The following NCKAP5 variants were observed in gnomAD, a reference collection of about 807,000 sequenced individuals.
The protein encoded by NCKAP5 is NCK associated protein 5.
In NCKAP5, 92 loss-of-function variants were observed where a neutral mutation model predicts 167.0. The ratio of observed to expected loss-of-function variants is 0.55; its 90% confidence interval spans 0.47 to 0.66. The LOEUF (loss-of-function observed/expected upper bound fraction) is 0.66, where lower values mean the gene tolerates loss of function less well. Among genes scored for constraint, NCKAP5 ranks in the 30% least tolerant of loss-of-function variants. NCKAP5 has a pLI of 0.00. For missense variants in NCKAP5, 2,378 were observed against 2,315.0 expected, an observed-to-expected ratio of 1.03 and a Z score of -0.56; for synonymous variants, 891 against 877.4, an observed-to-expected ratio of 1.02 and a Z score of -0.27.
rs758239753 is a variant in NCKAP5 at position 132,784,439 on chromosome 2, G to C, written c.2372C>G (p.Pro791Arg). ...ATTTTGCTTTTGATAGATGCCCATG[G>C]GTGCCGAAGACCTGGAATTACTCTG... ...SCQSNSRSSA[P>R]MGIYQKQNLT... The change falls in exon 14 of 20, where the codon CCC (proline) becomes CGC (arginine). Residue 791 changes from proline (P) to arginine (R), a missense_variant. By Grantham distance (103) the Pro-to-Arg change is moderately radical. Transcript: ENST00000409261. The C allele has an allele frequency of 1.2e-6, 2 of 1,610,428 alleles. No individual in the cohort carries two copies. Among genetic ancestry groups the C allele is most frequent in the East Asian group, 2.2e-5 (1 of 44,870 alleles).
chr2:133,635,965 A>G, the NCKAP5 span, among the ~76,000 whole-genome samples: 332 of 152,334 alleles, frequency 2.2e-3, no homozygotes, highest in Non-Finnish European at 3.3e-3. Flanking sequence ...TGGACACAAT[A>G]TTTTAATTAA....
chr2:133,586,751 TCACA>T, the NCKAP5 span, among the ~76,000 whole-genome samples: 8,736 of 140,888 alleles, frequency 0.062, 560 homozygotes, highest in African/African-American at 0.16. Flanking sequence ...GACAGCAATA[TCACA>T]CACACACACA....
rs539477393 is a variant in NCKAP5, at chr2:132,935,072, T to C, written c.579+28648A>G. On this transcript the variant is annotated intron_variant, in intron 8 of 19. Coordinates refer to ENST00000409261, the MANE Select transcript of NCKAP5 (RefSeq NM_207363.3). ...GATTGGTTCAGGGAAGAGTATTTAA[T>C]TGATTTTAGGTCCATGAAGGTATCT... Among the ~76,000 whole-genome samples the C allele has an allele frequency of 2.6e-5, 4 of 152,336 alleles. No homozygotes were observed. The East Asian group carries it at 7.7e-4, about 29-fold the overall frequency.
intron 5 of NCKAP5, among the ~76,000 whole-genome samples, chr2:133,204,852 C>A (rs2085872951): frequency 6.6e-6 from 1 of 152,182 alleles, no homozygotes; most frequent in Non-Finnish European, 1.5e-5. Context: ...GTGCATTTCT[C>A]TGAAAGAGAA....
chr2:133,180,894 A>T (rs1255398673), intron 5 of NCKAP5, among the ~76,000 whole-genome samples: 1 of 152,156 alleles, frequency 6.6e-6, no homozygotes, highest in African/African-American at 2.4e-5. Context: ...AAGGTGGCCT[A>T]TGGACTGGGA....
the NCKAP5 span, among the ~76,000 whole-genome samples, chr2:133,613,197 A>G: frequency 1.3e-5 from 2 of 152,166 alleles, no homozygotes; most frequent in Non-Finnish European, 2.9e-5. Context: ...TCCCCCAGAA[A>G]CACTCCTATG....
intron 6 of NCKAP5, among the ~76,000 whole-genome samples, chr2:133,054,159 C>T (rs1183708876): frequency 6.6e-6 from 1 of 152,176 alleles, no homozygotes; most frequent in Non-Finnish European, 1.5e-5. Flanking sequence ...TAATTATACA[C>T]TAATTCTAAA....
At chr2:133,610,103 G>A in the NCKAP5 span, among the ~76,000 whole-genome samples, 8 of 152,072 alleles carry the variant, frequency 5.3e-5, no homozygotes, top group Non-Finnish European at 7.4e-5. Context: ...ACATCGCATC[G>A]ATTTTCTATC....
intron 6 of NCKAP5, among the ~76,000 whole-genome samples, chr2:133,089,436 T>A (rs932453147): frequency 1.3e-5 from 2 of 152,206 alleles, no homozygotes; most frequent in African/African-American, 4.8e-5. Flanking sequence ...TACTACATAT[T>A]TGTATGTGGC....
At chr2:133,026,076 T>G (rs554889515) in intron 6 of NCKAP5, among the ~76,000 whole-genome samples, 1 of 152,322 alleles carries the variant, frequency 6.6e-6, no homozygotes, top group South Asian at 2.1e-4. Context: ...GTGATTTTGA[T>G]TTGCATTTCT....
chr2:133,260,007 G>A (rs1322117918), intron 4 of NCKAP5, among the ~76,000 whole-genome samples: 2 of 152,204 alleles, frequency 1.3e-5, no homozygotes, highest in Non-Finnish European at 2.9e-5. Flanking sequence ...GAAAGCCCTA[G>A]TAAAATGAGA....
intron 3 of NCKAP5, among the ~76,000 whole-genome samples, chr2:133,501,783 C>T (rs1439927591): frequency 1.3e-5 from 2 of 152,234 alleles, no homozygotes; most frequent in Non-Finnish European, 2.9e-5. Flanking sequence ...TTTGTACATT[C>T]TCTTGGATGA....
the NCKAP5 span, among the ~76,000 whole-genome samples, chr2:133,648,799 A>G: frequency 6.6e-6 from 1 of 151,940 alleles, no homozygotes; most frequent in Non-Finnish European, 1.5e-5. Context: ...ATGTATTTAA[A>G]AAGAAGAAAA....
chr2:133,063,481 C>A (rs993410746), intron 6 of NCKAP5, among the ~76,000 whole-genome samples: 1 of 152,150 alleles, frequency 6.6e-6, no homozygotes, highest in Non-Finnish European at 1.5e-5. Flanking sequence ...GAGGGCCTGA[C>A]CAGATCATAA....
intron 3 of NCKAP5, among the ~76,000 whole-genome samples, chr2:133,507,774 A>G (rs1417017150): frequency 6.6e-6 from 1 of 152,210 alleles, no homozygotes; most frequent in Non-Finnish European, 1.5e-5. Context: ...ACTGGCAGAA[A>G]GATCATAAAT....
At chr2:133,576,866 G>A in the NCKAP5 span, among the ~76,000 whole-genome samples, 1 of 152,176 alleles carries the variant, frequency 6.6e-6, no homozygotes, top group African/African-American at 2.4e-5. Flanking sequence ...TTGACATGAG[G>A]TCAGAAAGTC....
upstream of NCKAP5, among the ~76,000 whole-genome samples, chr2:133,572,432 T>G (rs1688899749): frequency 6.6e-6 from 1 of 152,132 alleles, no homozygotes; most frequent in Non-Finnish European, 1.5e-5. Context: ...GAAAGACAAG[T>G]GCAAAGACCA....
At chr2:133,075,081 C>A (rs2080553619) in intron 6 of NCKAP5, among the ~76,000 whole-genome samples, 2 of 151,786 alleles carry the variant, frequency 1.3e-5, no homozygotes, top group Middle Eastern at 3.4e-3. Context: ...GGTTGAAAAC[C>A]AAAGACACAG....
At chr2:133,175,698 C>G (rs1408318155) in intron 5 of NCKAP5, among the ~76,000 whole-genome samples, 1 of 152,212 alleles carries the variant, frequency 6.6e-6, no homozygotes, top group Non-Finnish European at 1.5e-5. Flanking sequence ...ATAATCCTAT[C>G]TCTTCTGTTC....
Sources: gnomAD v4.1 joint callset for allele counts (sites outside exome capture counted in the v4.1 genomes callset) on GRCh38, gnomAD v4.1.1 for gene constraint, MANE v1.5 for transcripts, NCBI Gene and HGNC (gene_info 2026-07-23, HGNC 2026-07-21) for gene names.